CACNB4: variants seen among roughly 807,000 people sequenced by gnomAD.
CACNB4 encodes voltage-dependent L-type calcium channel subunit beta-4.
Under a neutral mutation model 71.2 loss-of-function variants are expected in CACNB4, and 32 were observed. That is an observed-to-expected ratio of 0.45 (90% CI 0.34 to 0.60). CACNB4 has a LOEUF of 0.60. Ranked by LOEUF, CACNB4 falls within the 20% of genes least tolerant of loss-of-function variation. CACNB4 has a pLI of 0.01. For synonymous variants in CACNB4, 231 were observed against 236.9 expected (o/e 0.97, Z 0.23); for missense variants, 464 against 647.9 (o/e 0.72, Z 3.08).
chr2:151,920,886 C>T (rs1264872292), intron 2 of CACNB4, among the ~76,000 whole-genome samples: 2 of 152,056 alleles, frequency 1.3e-5, no homozygotes, highest in African/African-American at 4.8e-5. Context: ...CGCCTGTAAT[C>T]CTAGCACTTT....
chr2:151,886,402 A>T (rs771815636), intron 2 of CACNB4, among the ~76,000 whole-genome samples: 1 of 152,246 alleles, frequency 6.6e-6, no homozygotes, highest in Non-Finnish European at 1.5e-5. Flanking sequence ...ACTAGAAGAC[A>T]GCTGATTTCC....
At chr2:151,952,877 A>G (rs573067116) in intron 2 of CACNB4, among the ~76,000 whole-genome samples, 1 of 152,328 alleles carries the variant, frequency 6.6e-6, no homozygotes. Flanking sequence ...GAATCATGTG[A>G]GAAGGATGAA....
intron 2 of CACNB4, among the ~76,000 whole-genome samples, chr2:151,889,894 C>T (rs2099850317): frequency 6.6e-6 from 1 of 152,168 alleles, no homozygotes; most frequent in Non-Finnish European, 1.5e-5. Flanking sequence ...GACACAGTCA[C>T]TCCCATCAGA....
chr2:151,927,492 G>A (rs1186716937), intron 2 of CACNB4, among the ~76,000 whole-genome samples: 1 of 152,206 alleles, frequency 6.6e-6, no homozygotes, highest in Non-Finnish European at 1.5e-5. Flanking sequence ...AAAATAAGAA[G>A]CAAGGTCATC....
At chr2:151,990,218 C>A (rs1681629089) in intron 2 of CACNB4, among the ~76,000 whole-genome samples, 3 of 152,218 alleles carry the variant, frequency 2.0e-5, no homozygotes, top group Admixed American at 2.0e-4. Flanking sequence ...TCATCTCTTG[C>A]CATAATTTCC....
At chr2:152,009,809 C>T (rs1879137) in intron 2 of CACNB4, among the ~76,000 whole-genome samples, 9,980 of 152,216 alleles carry the variant, frequency 0.066, 611 homozygotes, top group Admixed American at 0.2. Flanking sequence ...CCTCCCTCTG[C>T]GGGGACAGGC....
intron 2 of CACNB4, among the ~76,000 whole-genome samples, chr2:152,012,535 C>T (rs545404615): frequency 1.1e-4 from 17 of 149,202 alleles, no homozygotes; most frequent in African/African-American, 4.0e-4. Context: ...ACCCGGGAGG[C>T]GGAGGTTGCA....
At chr2:152,069,864 A>C (rs1364050334) in intron 2 of CACNB4, among the ~76,000 whole-genome samples, 1 of 110,604 alleles carries the variant, frequency 9.0e-6, no homozygotes, top group Non-Finnish European at 1.7e-5. Flanking sequence ...TTTTTTGGAG[A>C]TGGAGTCTCG....
chr2:151,895,567 C>A (rs1260734908), intron 2 of CACNB4, among the ~76,000 whole-genome samples: 2 of 151,830 alleles, frequency 1.3e-5, no homozygotes, highest in Admixed American at 1.3e-4. Context: ...TCACTTTAAA[C>A]CCTACCATAC....
chr2:152,036,712 T>G (rs762689744), intron 2 of CACNB4, among the ~76,000 whole-genome samples: 16 of 140,020 alleles, frequency 1.1e-4, no homozygotes, highest in Non-Finnish European at 1.6e-4. Context: ...CTTTCCAGAG[T>G]CTTGGAAGTA....
intron 2 of CACNB4, among the ~76,000 whole-genome samples, chr2:151,948,658 C>CAAAAA (rs111874098): frequency 7.1e-6 from 1 of 140,744 alleles, no homozygotes; most frequent in Non-Finnish European, 1.6e-5. Flanking sequence ...GAGATCCTGT[C>CAAAAA]AAAAAAAAAA....
intron 2 of CACNB4, among the ~76,000 whole-genome samples, chr2:152,084,599 G>A (rs1218584873): frequency 6.6e-6 from 1 of 152,106 alleles, no homozygotes; most frequent in East Asian, 1.9e-4. Flanking sequence ...TTCTGCTGCT[G>A]CTTCTGCTTC....
chr2:152,046,686 G>A (rs956910175), intron 2 of CACNB4, among the ~76,000 whole-genome samples: 6 of 152,166 alleles, frequency 3.9e-5, no homozygotes, highest in African/African-American at 7.2e-5. Flanking sequence ...GGAGAAGCAG[G>A]TAAGCTCTGC....
At chr2:151,918,566 T>A (rs2099858135) in intron 2 of CACNB4, among the ~76,000 whole-genome samples, 1 of 152,204 alleles carries the variant, frequency 6.6e-6, no homozygotes, top group South Asian at 2.1e-4. Context: ...GCCTCCACTG[T>A]TACACAAGCA....
intron 2 of CACNB4, chr2:151,972,346 T>C (rs1296433005): frequency 6.6e-6 from 1 of 152,094 alleles, no homozygotes; most frequent in Non-Finnish European, 1.5e-5. Flanking sequence ...AGAGAAGGGG[T>C]AGAAGAAGTG....
intron 3 of CACNB4, among the ~76,000 whole-genome samples, chr2:151,881,170 A>G (rs1250001406): frequency 6.6e-6 from 1 of 152,194 alleles, no homozygotes; most frequent in Non-Finnish European, 1.5e-5. Context: ...AATGTGCTCT[A>G]AAGTATTAAG....
intron 2 of CACNB4, among the ~76,000 whole-genome samples, chr2:151,934,187 A>G (rs2099862354): frequency 6.6e-6 from 1 of 152,246 alleles, no homozygotes; most frequent in African/African-American, 2.4e-5. Context: ...AGGGAGTGTT[A>G]CCTATGTGAA....
chr2:152,080,903 C>T (rs1579262134), intron 2 of CACNB4, among the ~76,000 whole-genome samples: 1 of 152,138 alleles, frequency 6.6e-6, no homozygotes, highest in African/African-American at 2.4e-5. Context: ...CTCCCAATCT[C>T]GCCATGTGAT....
chr2:152,098,356 T>C lies in CACNB4; in HGVS notation c.121A>G (p.Thr41Ala), dbSNP rs777224841. 18 of 1,613,702 alleles carry C rather than the reference T, an allele frequency of 1.1e-5. No individual in the cohort carries two copies. The East Asian group carries it at 3.3e-4, about 30-fold the overall frequency. ...SRLKRSDGST[T>A]STSFILRQGS... ...TGTCTGAGGATGAAGCTGGTCGAAG[T>C]GGTGCTGCCATCGGATCTTTTCAAC... Residue 41 changes from threonine (T) to alanine (A), a missense_variant, in exon 2 of 14, where the codon ACT (threonine) becomes GCT (alanine). By Grantham distance (58) the Thr-to-Ala change is moderately conservative. Around this residue, in one of 3 missense-constraint regions of CACNB4, gnomAD observed 299 missense variants for 471.7 expected, o/e 0.63. Transcript: ENST00000539935. This position sits in a 1 kb window ranked among gnomAD's most constrained non-coding sequence, Gnocchi z 5.3.
Sources: allele counts gnomAD v4.1 joint callset (sites outside exome capture counted in the v4.1 genomes callset), GRCh38; gene constraint gnomAD v4.1.1; regional missense constraint gnomAD v4.1.1; non-coding constraint Gnocchi (gnomAD v3.1); transcripts MANE v1.5; gene names NCBI Gene and HGNC (gene_info 2026-07-23, HGNC 2026-07-21).